Variants in SLIT2 observed in about 807,000 individuals in gnomAD.
SLIT2 encodes slit homolog 2 protein.
A neutral mutation model predicts 185.7 loss-of-function variants in SLIT2; 41 were observed. The observed-to-expected ratio is 0.22, with a 90% CI of 0.17 to 0.29. The LOEUF is 0.29. Among genes scored for constraint, SLIT2 ranks in the 10% least tolerant of loss-of-function variants. The pLI is 1.00. For missense variants in SLIT2, 1,571 were observed against 1,909.0 expected (o/e 0.82, Z 3.30); for synonymous variants, 693 against 680.2 (o/e 1.02, Z -0.29).
At chr4:20,423,178 A>G (rs1182034050) in intron 4 of SLIT2, among the ~76,000 whole-genome samples, 1 of 152,100 alleles carries the variant, frequency 6.6e-6, no homozygotes, top group Non-Finnish European at 1.5e-5. Context: ...CCACGTACAG[A>G]CATAGGGGAA....
chr4:20,551,033 A>G (rs1387972151), intron 25 of SLIT2, 135 bp downstream of exon 25: 7 of 512,222 alleles, frequency 1.4e-5, no homozygotes, highest in Non-Finnish European at 2.1e-5. Context: ...AAATGTGAAG[A>G]TTTTCAAACT....
chr4:20,511,531 C>T (rs1319776676), intron 11 of SLIT2, among the ~76,000 whole-genome samples: 2 of 145,510 alleles, frequency 1.4e-5, no homozygotes, highest in African/African-American at 2.5e-5. Flanking sequence ...ATGCCATTCT[C>T]CTGCCTCAGC....
At chr4:20,512,388 AAC>A (rs1187483003) in intron 11 of SLIT2, among the ~76,000 whole-genome samples, 1 of 152,176 alleles carries the variant, frequency 6.6e-6, no homozygotes, top group Admixed American at 6.5e-5. Context: ...AAAAACAAAA[AAC>A]ACTACAGTTT....
chr4:20,576,258 G>A (rs1168374931), intron 29 of SLIT2, among the ~76,000 whole-genome samples: 2 of 152,120 alleles, frequency 1.3e-5, no homozygotes, highest in African/African-American at 4.8e-5. Flanking sequence ...ATTACCTAAG[G>A]TAAATTATGT....
rs370299192 is a variant in SLIT2 at position 20,610,154 on chromosome 4, A to G, written c.3834A>G (p.Pro1278=). 4 of 1,612,858 alleles carry G rather than the reference A, an allele frequency of 2.5e-6. No individual in the cohort carries two copies. The African/African-American group carries it at 5.3e-5, about 22-fold the overall frequency. Residue 1278 remains proline (P), a synonymous_variant, in exon 34 of 37, where the codon CCA becomes CCG. Coordinates refer to ENST00000504154, the MANE Select transcript of SLIT2 (RefSeq NM_004787.4). ...AGTCCACTCTGAATTTTGACTCTCC[A>G]CTCTATGTAGGAGGTAAGCTGTCTT... ...SKQSTLNFDS[P]LYVGGMPGKS...
At chr4:20,464,823 T>C (rs1714161514) in intron 4 of SLIT2, among the ~76,000 whole-genome samples, 1 of 152,160 alleles carries the variant, frequency 6.6e-6, no homozygotes. Context: ...CTTTCTTGCT[T>C]TTTTTGACTG....
chr4:20,616,631 T>C lies in SLIT2; in HGVS notation c.3848-279T>C, dbSNP rs1729675142. ...TCTAGGTTTTATATATTTGTGTACA[T>C]GTAAAGTTTTCTTTGAAGCAAATTT... On this transcript the variant is annotated intron_variant, in intron 34 of 36. Transcript: ENST00000504154. 1.2e-5 allele frequency: 4 copies of C among 323,404 alleles called. No individual in the cohort carries two copies. The Admixed American group carries it at 1.4e-4, about 11-fold the overall frequency. The allele number at this position is 323,404 out of a possible 1,614,324, so 20.0% of individuals were successfully genotyped here.
intron 5 of SLIT2, among the ~76,000 whole-genome samples, chr4:20,478,798 T>A (rs2148774450): frequency 6.6e-6 from 1 of 152,238 alleles, no homozygotes; most frequent in South Asian, 2.1e-4. Flanking sequence ...GTTCAAGAGG[T>A]TAGAGAATAG....
intron 9 of SLIT2, among the ~76,000 whole-genome samples, chr4:20,508,821 T>C (rs2148822656): frequency 6.6e-6 from 1 of 152,072 alleles, no homozygotes; most frequent in East Asian, 1.9e-4. Flanking sequence ...TACAGTGAGT[T>C]CAAGAGCAAC....
At chr4:20,303,247 T>C (rs1717229223) in intron 4 of SLIT2, among the ~76,000 whole-genome samples, 6 of 152,164 alleles carry the variant, frequency 3.9e-5, no homozygotes, top group Admixed American at 3.9e-4. Flanking sequence ...AGAGAGCCAC[T>C]CTCAGTACCC....
intron 4 of SLIT2, among the ~76,000 whole-genome samples, chr4:20,357,419 A>G (rs1049870295): frequency 2.0e-5 from 3 of 152,104 alleles, no homozygotes; most frequent in Non-Finnish European, 4.4e-5. Context: ...CTCTTTTCAT[A>G]TTATAACTTA....
At chr4:20,571,171 G>A (rs1279758238) in intron 29 of SLIT2, among the ~76,000 whole-genome samples, 1 of 152,072 alleles carries the variant, frequency 6.6e-6, no homozygotes, top group African/African-American at 2.4e-5. Flanking sequence ...CTGTCATCTG[G>A]GAACTTGCCA....
At chr4:20,522,356 C>A (rs1720913236) in intron 12 of SLIT2, among the ~76,000 whole-genome samples, 1 of 152,074 alleles carries the variant, frequency 6.6e-6, no homozygotes, top group African/African-American at 2.4e-5. Flanking sequence ...CTATTGAGAC[C>A]AGTGGTGCCT....
At chr4:20,465,520 TGGCCTGTGGAGCCATC>T (rs1714236252) in intron 4 of SLIT2, among the ~76,000 whole-genome samples, 1 of 152,168 alleles carries the variant, frequency 6.6e-6, no homozygotes, top group South Asian at 2.1e-4. Context: ...CCCCATAGTG[TGGCCTGTGGAGCCATC>T]TACTCAGGGG....
intron 4 of SLIT2, among the ~76,000 whole-genome samples, chr4:20,301,921 T>C (rs922506443): frequency 6.6e-6 from 1 of 152,192 alleles, no homozygotes; most frequent in Non-Finnish European, 1.5e-5. Context: ...AAAAATATAC[T>C]GTCGATTTTT....
intron 4 of SLIT2, among the ~76,000 whole-genome samples, chr4:20,380,803 T>C (rs1380098875): frequency 3.3e-5 from 5 of 152,040 alleles, no homozygotes; most frequent in African/African-American, 4.8e-5. Flanking sequence ...TACATGCAGT[T>C]GAGGTTCCAG....
chr4:20,278,894 G>A (rs2109050406), intron 4 of SLIT2, among the ~76,000 whole-genome samples: 1 of 152,100 alleles, frequency 6.6e-6, no homozygotes, highest in East Asian at 1.9e-4. Flanking sequence ...AGAAGAATAA[G>A]TATTTAGGGA....
intron 4 of SLIT2, among the ~76,000 whole-genome samples, chr4:20,291,910 G>C (rs913915056): frequency 2.2e-5 from 2 of 89,402 alleles, no homozygotes; most frequent in African/African-American, 5.4e-5. Flanking sequence ...ACCTCTGTGT[G>C]TGTGTGTGTG....
chr4:20,549,939 C>T (rs1723592757), intron 24 of SLIT2, among the ~76,000 whole-genome samples: 1 of 151,848 alleles, frequency 6.6e-6, no homozygotes, highest in Admixed American at 6.6e-5. Flanking sequence ...CTATACATTC[C>T]TCTTGGTGCA....
Sources: gnomAD v4.1 joint callset for allele counts (sites outside exome capture counted in the v4.1 genomes callset) on GRCh38, gnomAD v4.1.1 for gene constraint, MANE v1.5 for transcripts, NCBI Gene and HGNC (gene_info 2026-07-23, HGNC 2026-07-21) for gene names.